The following DMRT1 variants were observed in gnomAD, a reference collection of about 807,000 sequenced individuals.
DMRT1 encodes the protein doublesex- and mab-3-related transcription factor 1.
DMRT1 carries 7 observed loss-of-function variants against 32.3 expected under a neutral mutation model. The ratio of observed to expected loss-of-function variants is 0.22; its 90% CI spans 0.12 to 0.41. DMRT1 has a LOEUF of 0.41. Among genes scored for constraint, DMRT1 ranks in the 10% least tolerant of loss-of-function variants. DMRT1 has a pLI of 1.00. For missense variants in DMRT1, 625 were observed against 500.5 expected (o/e 1.25, Z -2.37); for synonymous variants, 278 against 206.1 (o/e 1.35, Z -2.99).
intron 2 of DMRT1, among the ~76,000 whole-genome samples, chr9:882,742 C>A (rs991158475): frequency 6.6e-6 from 1 of 151,028 alleles, no homozygotes; most frequent in African/African-American, 2.4e-5. Context: ...CTCAGTGGCG[C>A]CCCCGTCTCC....
chr9:899,293 G>A (rs1238599975), intron 3 of DMRT1, among the ~76,000 whole-genome samples: 1 of 151,656 alleles, frequency 6.6e-6, no homozygotes, highest in Non-Finnish European at 1.5e-5. Flanking sequence ...TTTAAAGCTA[G>A]AAGGAATTCT....
intron 4 of DMRT1, among the ~76,000 whole-genome samples, chr9:945,930 C>T (rs1819229168): frequency 6.6e-6 from 1 of 151,978 alleles, no homozygotes; most frequent in African/African-American, 2.4e-5. Context: ...GGCTTTTTAA[C>T]ATAAGGGGTG....
chr9:960,958 C>A (rs538715893), intron 4 of DMRT1, among the ~76,000 whole-genome samples: 1 of 152,138 alleles, frequency 6.6e-6, no homozygotes, highest in Non-Finnish European at 1.5e-5. Flanking sequence ...TGGTTGTCAC[C>A]GGGCCACACG....
At chr9:857,269 T>G (rs926922832) in intron 2 of DMRT1, among the ~76,000 whole-genome samples, 5 of 152,182 alleles carry the variant, frequency 3.3e-5, no homozygotes, top group Middle Eastern at 3.4e-3. Context: ...ATTGCTCCAC[T>G]GCACTCCAGC....
At chr9:878,092 C>T (rs547242339) in intron 2 of DMRT1, among the ~76,000 whole-genome samples, 7 of 152,118 alleles carry the variant, frequency 4.6e-5, no homozygotes, top group East Asian at 3.9e-4. Flanking sequence ...AATGGCCTTC[C>T]GGGGGTGGCA....
intron 2 of DMRT1, among the ~76,000 whole-genome samples, chr9:890,083 G>GGGTTTT (rs1273507545): frequency 2.0e-4 from 22 of 108,902 alleles, no homozygotes; most frequent in South Asian, 7.2e-4. Flanking sequence ...GCCACCAAAC[G>GGGTTTT]TGTTTTTTTT....
At chr9:923,444 G>C (rs890839436) in intron 4 of DMRT1, among the ~76,000 whole-genome samples, 2 of 147,738 alleles carry the variant, frequency 1.4e-5, no homozygotes, top group Non-Finnish European at 1.5e-5. Flanking sequence ...TGCTGAGAGA[G>C]GGTGAGGATG....
chr9:952,977 A>G (rs933656953), intron 4 of DMRT1, among the ~76,000 whole-genome samples: 1 of 152,208 alleles, frequency 6.6e-6, no homozygotes, highest in African/African-American at 2.4e-5. Flanking sequence ...CTCATAGCCT[A>G]TAGACTTAAA....
intron 2 of DMRT1, among the ~76,000 whole-genome samples, chr9:877,518 C>G (rs1164767999): frequency 2.6e-5 from 4 of 152,184 alleles, no homozygotes; most frequent in Admixed American, 6.5e-5. Context: ...TGATGTAGCA[C>G]TAGATGTCAA....
At chr9:870,544 G>C (rs1440842441) in intron 2 of DMRT1, among the ~76,000 whole-genome samples, 2 of 151,874 alleles carry the variant, frequency 1.3e-5, no homozygotes, top group Non-Finnish European at 1.5e-5. Context: ...AATCCTTTTA[G>C]CCACAGCATT....
At chr9:954,504 G>A (rs553898572) in intron 4 of DMRT1, among the ~76,000 whole-genome samples, 2 of 152,076 alleles carry the variant, frequency 1.3e-5, no homozygotes, top group East Asian at 1.9e-4. Flanking sequence ...CTTAAGCTTC[G>A]AGTCTGAGCT....
intron 3 of DMRT1, among the ~76,000 whole-genome samples, chr9:914,976 C>T (rs568087060): frequency 6.6e-6 from 1 of 152,142 alleles, no homozygotes; most frequent in Admixed American, 6.5e-5. Flanking sequence ...AAGCCCAGTG[C>T]CTAATTTTAC....
intron 4 of DMRT1, among the ~76,000 whole-genome samples, chr9:926,616 A>G (rs1030658882): frequency 6.6e-6 from 1 of 152,162 alleles, no homozygotes; most frequent in Non-Finnish European, 1.5e-5. Flanking sequence ...AAAGCTATAG[A>G]TTGAATACAC....
At chr9:908,692 ACTTTTT>A (rs1236727291) in intron 3 of DMRT1, among the ~76,000 whole-genome samples, 1 of 151,454 alleles carries the variant, frequency 6.6e-6, no homozygotes, top group African/African-American at 2.4e-5. Context: ...CTCCACCCAC[ACTTTTT>A]CTTTTGTTTT....
At chr9:874,350 A>G (rs1391611543) in intron 2 of DMRT1, among the ~76,000 whole-genome samples, 1 of 152,202 alleles carries the variant, frequency 6.6e-6, no homozygotes, top group Non-Finnish European at 1.5e-5. Flanking sequence ...TACAGTTGAG[A>G]TATAGATTGG....
chr9:965,731 C>G lies in DMRT1; in HGVS notation c.968-2254C>G, dbSNP rs1371443067. On this transcript the variant is annotated intron_variant, in intron 4 of 4. Transcript: ENST00000382276. This position sits in a 1 kb window ranked among gnomAD's most constrained non-coding sequence, Gnocchi z 4.5. ...AGGTCCGTTGCTTTGCCTCCTTAAA[C>G]TCACACAGGGATTGGGAAGGTTCAG... Among the ~76,000 whole-genome samples the G allele has an allele frequency of 2.6e-5, 4 of 152,190 alleles. No individual in the cohort carries two copies. The highest frequency in any genetic ancestry group is 2.0e-4 in the Admixed American group (3 of 15,292).
At chr9:935,210 A>G (rs1818846962) in intron 4 of DMRT1, among the ~76,000 whole-genome samples, 1 of 152,210 alleles carries the variant, frequency 6.6e-6, no homozygotes, top group Admixed American at 6.5e-5. Context: ...CTTATATGTA[A>G]GAGATGGTAA....
At chr9:886,226 A>AG (rs1451829252) in intron 2 of DMRT1, among the ~76,000 whole-genome samples, 2 of 152,178 alleles carry the variant, frequency 1.3e-5, no homozygotes, top group Non-Finnish European at 2.9e-5. Flanking sequence ...CATTCAGCTC[A>AG]GGTTCATGGA....
At chr9:905,092 T>C (rs1441518558) in intron 3 of DMRT1, among the ~76,000 whole-genome samples, 1 of 152,216 alleles carries the variant, frequency 6.6e-6, no homozygotes, top group Admixed American at 6.5e-5. Flanking sequence ...AACTATTGTT[T>C]AGAATTTCCA....
Sources: gnomAD v4.1 joint callset for allele counts (sites outside exome capture counted in the v4.1 genomes callset) on GRCh38, gnomAD v4.1.1 for gene constraint, Gnocchi (gnomAD v3.1) non-coding constraint, MANE v1.5 for transcripts, NCBI Gene and HGNC (gene_info 2026-07-23, HGNC 2026-07-21) for gene names.